The following MGST1 variants were observed in gnomAD, a reference collection of about 807,000 sequenced individuals.
The protein encoded by MGST1 is glutathione S-transferase 12.
Under a neutral mutation model 8.9 loss-of-function variants are expected in MGST1, and 5 were observed. That is an observed-to-expected ratio of 0.56 (90% CI 0.29 to 1.19). The LOEUF is 1.19. Among genes scored for constraint, MGST1 ranks in the 50% most tolerant of loss-of-function variants. The pLI, the probability that MGST1 is intolerant of heterozygous loss-of-function variation, is 0.08. For synonymous variants in MGST1, 54 were observed against 67.8 expected, an observed-to-expected ratio of 0.80 and a Z score of 1.00; for missense variants, 182 against 187.4, an observed-to-expected ratio of 0.97 and a Z score of 0.17.
chr12:16,584,938 GA>G lies in MGST1; in HGVS notation n.483-4587del, dbSNP rs749422443. On this transcript the variant is annotated intron_variant and non_coding_transcript_variant, in intron 4 of 4. Coordinates refer to the MGST1 transcript ENST00000538857. This position sits in a 1 kb window ranked among gnomAD's most constrained non-coding sequence, Gnocchi z 5.2. ...CATTAAAGGGCCTGATCAGTTATCT[GA>G]AACCAGAATTTTATGATTCTGACCA... Among the ~76,000 whole-genome samples the G allele has an allele frequency of 1.1e-4, 16 of 152,194 alleles. No homozygotes were observed. Among genetic ancestry groups the G allele is most frequent in the Non-Finnish European group, 1.5e-4 (10 of 68,030 alleles).
rs1336234678 is a variant in MGST1, at chr12:16,546,597, TTC to T, written n.483-42929_483-42928del. On this transcript the variant is annotated intron_variant and non_coding_transcript_variant, in intron 4 of 4. Coordinates refer to the MGST1 transcript ENST00000538857. The surrounding 1 kb of genome is among the most constrained non-coding windows in gnomAD (Gnocchi z 4.7). ...ATATTTTCCTTTTCAGAAAACAGAA[TTC>T]TTTTAATTAAAAACATTTTTAAAAA... Among the ~76,000 whole-genome samples the T allele has an allele frequency of 6.6e-6, 1 of 152,140 alleles. No homozygotes were observed. Among genetic ancestry groups the T allele is most frequent in the Non-Finnish European group, 1.5e-5 (1 of 68,004 alleles).
downstream of MGST1, among the ~76,000 whole-genome samples, chr12:16,443,089 G>A (rs138678430): frequency 3.2e-4 from 48 of 151,684 alleles, no homozygotes; most frequent in African/African-American, 1.1e-3. Flanking sequence ...TCTTGTTTAT[G>A]ACCCTTTTAT....
rs545911257 is a variant in MGST1 at position 16,587,753 on chromosome 12, C to T, written n.483-1775C>T. Among the ~76,000 whole-genome samples, 1 of 151,754 alleles carries T rather than the reference C, an allele frequency of 6.6e-6. No homozygotes were observed. The highest frequency in any genetic ancestry group is 2.4e-5 in the African/African-American group (1 of 41,454). ...CATGCAGTAAACACTGCCTTTGGTA[C>T]ACAGGGTTCTCTTAGCATTTATCTG... is the stretch of plus-strand genomic sequence containing the variant. On this transcript the variant is annotated intron_variant and non_coding_transcript_variant, in intron 4 of 4. Coordinates refer to the MGST1 transcript ENST00000538857. The surrounding 1 kb of genome is among the most constrained non-coding windows in gnomAD (Gnocchi z 4.3).
intron 1 of MGST1, among the ~76,000 whole-genome samples, chr12:16,437,214 G>T (rs768539546): frequency 5.3e-5 from 8 of 151,788 alleles, no homozygotes; most frequent in Non-Finnish European, 1.0e-4. Context: ...ACTAAAGGAG[G>T]GTGACTCTAA....
intron 4 of MGST1, among the ~76,000 whole-genome samples, chr12:16,572,681 ATATATATAATTTAAATATAT>A (rs1326192838): frequency 8.1e-5 from 12 of 147,876 alleles, no homozygotes; most frequent in African/African-American, 1.7e-4. Context: ...TATATAGATT[ATATATATAATTTAAATATAT>A]TATATATAAT....
chr12:16,507,786 A>G (rs1941549213), intron 4 of MGST1, among the ~76,000 whole-genome samples: 1 of 152,082 alleles, frequency 6.6e-6, no homozygotes, highest in Non-Finnish European at 1.5e-5. Context: ...AACAACAGGG[A>G]GGAAATCTGC....
intron 1 of MGST1, among the ~76,000 whole-genome samples, chr12:16,394,594 T>G (rs1940589162): frequency 6.7e-6 from 1 of 149,986 alleles, no homozygotes. Context: ...TCTCTCTTTT[T>G]TCTTTTCTTT....
At chr12:16,450,638 C>T (rs1299010627) in intron 4 of MGST1, among the ~76,000 whole-genome samples, 1 of 151,970 alleles carries the variant, frequency 6.6e-6, no homozygotes, top group Non-Finnish European at 1.5e-5. Flanking sequence ...CACACTCCCA[C>T]CTCTTAACCA....
chr12:16,498,345 C>A (rs1300729962), intron 4 of MGST1, among the ~76,000 whole-genome samples: 1 of 152,132 alleles, frequency 6.6e-6, no homozygotes, highest in Non-Finnish European at 1.5e-5. Flanking sequence ...ACTCAGTTAC[C>A]CAGGACGCTG....
At chr12:16,380,318 T>G (rs567693180), downstream of MGST1, among the ~76,000 whole-genome samples, 52 of 152,342 alleles carry the variant, frequency 3.4e-4, no homozygotes, top group Non-Finnish European at 6.5e-4. Flanking sequence ...TTTGAATGTG[T>G]GCCAGAGATT....
chr12:16,554,757 C>G (rs572818713), intron 4 of MGST1, among the ~76,000 whole-genome samples: 2 of 152,286 alleles, frequency 1.3e-5, no homozygotes, highest in East Asian at 3.9e-4. Context: ...CCCGGGTTCC[C>G]GCCATTCTCC....
chr12:16,565,382 G>A (rs948281987), intron 4 of MGST1, among the ~76,000 whole-genome samples: 3 of 152,108 alleles, frequency 2.0e-5, no homozygotes, highest in African/African-American at 7.2e-5. Context: ...AACTAAGGAA[G>A]GTAGTGATAG....
intron 4 of MGST1, among the ~76,000 whole-genome samples, chr12:16,496,696 T>C (rs923678221): frequency 2.0e-5 from 3 of 152,110 alleles, no homozygotes; most frequent in Non-Finnish European, 4.4e-5. Flanking sequence ...ACCTAATGTT[T>C]AGCTGCCACT....
chr12:16,429,498 C>CT (rs76427522), intron 1 of MGST1, among the ~76,000 whole-genome samples: 96,387 of 151,220 alleles, frequency 0.64, 30,926 homozygotes, highest in East Asian at 0.81. Flanking sequence ...GCTAGTCATC[C>CT]TTTTTTTTAA....
At position 16,500,787 on chromosome 12, in the gene MGST1, T is replaced by C. The variant is rs1383794879; in HGVS notation, n.483-88741T>C. On this transcript the variant is annotated intron_variant and non_coding_transcript_variant, in intron 4 of 4. Coordinates refer to the MGST1 transcript ENST00000538857. The surrounding 1 kb of genome is among the most constrained non-coding windows in gnomAD (Gnocchi z 4.3). ...ATAGGGAGAAAAATCAGTGCATCTATTTATCGTTCTTTTTGTTCAATGAAA... is the reference window on the plus strand; with the variant it reads ...ATAGGGAGAAAAATCAGTGCATCTACTTATCGTTCTTTTTGTTCAATGAAA... Among the ~76,000 whole-genome samples, 1 of 152,178 alleles carries C rather than the reference T, an allele frequency of 6.6e-6. No homozygotes were observed. The highest frequency in any genetic ancestry group is 1.5e-5 in the Non-Finnish European group (1 of 68,036).
At position 16,383,697 on chromosome 12, in the gene MGST1, G is replaced by T. The variant is rs567457658; in HGVS notation, n.778+93G>T. On this transcript the variant is annotated intron_variant and non_coding_transcript_variant, in intron 1 of 1. Transcript: ENST00000359720. ...GCTGGTCTCAAACTTCTGACCTCAG[G>T]TGATCCATCCGCCTTGGCCTCCCAA... is the stretch of plus-strand genomic sequence containing the variant. The T allele has an allele frequency of 3.3e-5, 5 of 152,290 alleles. No individual in the cohort carries two copies. In the East Asian group the frequency reaches 7.7e-4, roughly 24 times the overall value. The allele number at this position is 152,290 out of a possible 1,614,324, so 9.4% of individuals were successfully genotyped here. A position where few individuals can be genotyped will look rare whatever the true frequency, so the allele number is the denominator to read the frequency against.
intron 4 of MGST1, among the ~76,000 whole-genome samples, chr12:16,470,194 A>G (rs549496745): frequency 6.6e-6 from 1 of 152,238 alleles, no homozygotes; most frequent in East Asian, 1.9e-4. Flanking sequence ...TACATAAAAA[A>G]AAATCCAGTC....
At chr12:16,481,272 G>T (rs1941362682) in intron 4 of MGST1, among the ~76,000 whole-genome samples, 1 of 152,122 alleles carries the variant, frequency 6.6e-6, no homozygotes, top group South Asian at 2.1e-4. Context: ...GGCAGATCTG[G>T]GTAGGTAATG....
chr12:16,414,658 A>G (rs1012494788), intron 1 of MGST1, among the ~76,000 whole-genome samples: 233 of 151,880 alleles, frequency 1.5e-3, no homozygotes, highest in Non-Finnish European at 1.5e-4. Flanking sequence ...CTCGTGATCC[A>G]CCCACCTTGG....
Sources: gnomAD v4.1 joint callset for allele counts (sites outside exome capture counted in the v4.1 genomes callset) on GRCh38, gnomAD v4.1.1 for gene constraint, Gnocchi (gnomAD v3.1) non-coding constraint, MANE v1.5 for transcripts, NCBI Gene and HGNC (gene_info 2026-07-23, HGNC 2026-07-21) for gene names.